HSD17B14: variants seen among roughly 807,000 people sequenced by gnomAD.
The protein encoded by HSD17B14 is L-fucose dehydrogenase.
In HSD17B14, 32 loss-of-function variants were observed where a neutral mutation model predicts 32.2. The observed-to-expected ratio is 0.99, with a 90% CI of 0.75 to 1.33. The LOEUF is 1.33. HSD17B14 is among the 40% of genes most tolerant of loss of function. The probability of loss-of-function intolerance (pLI) is 0.00; values close to 1 mark genes in which losing one functional copy is unlikely to be tolerated. For missense variants in HSD17B14, 370 were observed against 366.5 expected (o/e 1.01, Z -0.08); for synonymous variants, 140 against 155.4 (o/e 0.90, Z 0.74).
chr19:48,829,353 A>ATT (rs546991480), intron 5 of HSD17B14, among the ~76,000 whole-genome samples: 11 of 138,406 alleles, frequency 7.9e-5, no homozygotes, highest in African/African-American at 1.6e-4. Flanking sequence ...TACTCAGCTA[A>ATT]TTTTTTTTTT....
chr19:48,830,663 T>C (rs1342690486), intron 5 of HSD17B14, among the ~76,000 whole-genome samples: 4 of 151,906 alleles, frequency 2.6e-5, no homozygotes, highest in African/African-American at 9.7e-5. Flanking sequence ...CCCAAGTACC[T>C]GAGGCGCACC....
intron 5 of HSD17B14, among the ~76,000 whole-genome samples, chr19:48,822,598 TG>T (rs1311276445): frequency 2.7e-5 from 4 of 150,396 alleles, no homozygotes; most frequent in African/African-American, 9.8e-5. Context: ...ATGATGAGGA[TG>T]GTGATGGTGA....
intron 5 of HSD17B14, among the ~76,000 whole-genome samples, chr19:48,818,005 A>G (rs2035084733): frequency 6.6e-6 from 1 of 152,018 alleles, no homozygotes; most frequent in Non-Finnish European, 1.5e-5. Flanking sequence ...ACAATTTCTC[A>G]CAATTCTAAG....
intron 5 of HSD17B14, among the ~76,000 whole-genome samples, chr19:48,816,407 A>C (rs545587): frequency 0.61 from 91,939 of 151,950 alleles, 28,790 homozygotes; most frequent in African/African-American, 0.77. Flanking sequence ...CTGCGTGTTC[A>C]AACCTCAGGG....
intron 3 of HSD17B14, among the ~76,000 whole-genome samples, chr19:48,833,412 C>T (rs1162465925): frequency 6.6e-6 from 1 of 152,174 alleles, no homozygotes; most frequent in Admixed American, 6.5e-5. Flanking sequence ...TACATACAGG[C>T]CACGTGCAGT....
chr19:48,823,888 G>A (rs948830167), intron 5 of HSD17B14, among the ~76,000 whole-genome samples: 6 of 147,130 alleles, frequency 4.1e-5, no homozygotes, highest in South Asian at 4.7e-4. Flanking sequence ...CAATCCGCCC[G>A]CCTAGGCCTC....
chr19:48,828,945 C>T (rs542104591), intron 5 of HSD17B14, among the ~76,000 whole-genome samples: 37 of 151,880 alleles, frequency 2.4e-4, no homozygotes, highest in Middle Eastern at 3.4e-3. Context: ...GCCTATAATC[C>T]CAGCCACTAG....
chr19:48,835,561 C>T (rs1417016142), intron 2 of HSD17B14, among the ~76,000 whole-genome samples: 1 of 145,054 alleles, frequency 6.9e-6, no homozygotes, highest in African/African-American at 2.6e-5. Flanking sequence ...GTGCCGGAGC[C>T]TGGACTTCTG....
chr19:48,816,620 G>A (rs2035055225), intron 5 of HSD17B14, among the ~76,000 whole-genome samples: 1 of 151,998 alleles, frequency 6.6e-6, no homozygotes, highest in African/African-American at 2.4e-5. Context: ...CTGATCCGAG[G>A]TCACCTCCTC....
At chr19:48,815,400 T>C (rs143610194) in intron 5 of HSD17B14, among the ~76,000 whole-genome samples, 2 of 152,294 alleles carry the variant, frequency 1.3e-5, no homozygotes, top group East Asian at 3.9e-4. Context: ...TCTGACTCTG[T>C]CTTTGTCTCT....
At chr19:48,831,126 T>C (rs1359081959) in intron 5 of HSD17B14, among the ~76,000 whole-genome samples, 1 of 152,130 alleles carries the variant, frequency 6.6e-6, no homozygotes, top group East Asian at 1.9e-4. Context: ...TGAGCCACTG[T>C]GTCTGGCCCC....
At chr19:48,826,463 C>T (rs1160307004) in intron 5 of HSD17B14, among the ~76,000 whole-genome samples, 4 of 135,384 alleles carry the variant, frequency 3.0e-5, no homozygotes, top group African/African-American at 1.1e-4. Context: ...CACTGCACTC[C>T]AGCCTGGGTG....
At chr19:48,821,893 AATG>A (rs1332238269) in intron 5 of HSD17B14, among the ~76,000 whole-genome samples, 6 of 147,774 alleles carry the variant, frequency 4.1e-5, no homozygotes, top group South Asian at 2.2e-4. Flanking sequence ...TGATTTTGGT[AATG>A]ATGATGGTGA....
chr19:48,831,163 C>T lies in HSD17B14; in HGVS notation c.369+505G>A, dbSNP rs750866243. On this transcript the variant is annotated intron_variant, in intron 5 of 8. Transcript: ENST00000263278. ...ATATGTTCTTAACATCCCCTCCTACCACCACCAGTCTGGAAGGTTCTAGAA... is the reference window on the plus strand; with the variant it reads ...ATATGTTCTTAACATCCCCTCCTACTACCACCAGTCTGGAAGGTTCTAGAA... Among the ~76,000 whole-genome samples the T allele has an allele frequency of 4.9e-4, 74 of 152,248 alleles. 1 individual carries two copies. Among genetic ancestry groups the T allele is most frequent in the Admixed American group, 1.0e-3 (16 of 15,264 alleles).
chr19:48,827,104 G>A (rs181762127), intron 5 of HSD17B14, among the ~76,000 whole-genome samples: 5 of 151,260 alleles, frequency 3.3e-5, no homozygotes, highest in Admixed American at 3.3e-4. Flanking sequence ...GTGCAGTGGT[G>A]TGATCTCAGC....
intron 2 of HSD17B14, 62 bp from the exon 3 acceptor site, chr19:48,834,420 C>T (rs2035415476): frequency 3.9e-6 from 4 of 1,017,688 alleles, no homozygotes; most frequent in South Asian, 1.4e-5. Flanking sequence ...GGGTTGGGGA[C>T]TTGGACTCCT....
In HSD17B14 at chr19:48,831,762, A is replaced by G. The variant is rs375122236; in HGVS notation, c.278-3T>C. On this transcript the variant is annotated splice_polypyrimidine_tract_variant and splice_region_variant and intron_variant, in intron 4 of 8. Coordinates refer to ENST00000263278, the MANE Select transcript of HSD17B14 (RefSeq NM_016246.3). ...CTCAGGCCTCTGTGGGGGTGGGTCT[A>G]AAGTGGGGGGTGAGAGAGAGAGGAA... 1.8e-4 allele frequency: 286 copies of G among 1,582,314 alleles called. No individual in the cohort carries two copies. Among genetic ancestry groups the G allele is most frequent in the Non-Finnish European group, 2.4e-4 (278 of 1,154,320 alleles).
chr19:48,824,636 C>A (rs952257885), intron 5 of HSD17B14, among the ~76,000 whole-genome samples: 1 of 149,318 alleles, frequency 6.7e-6, no homozygotes, highest in Non-Finnish European at 1.5e-5. Flanking sequence ...TGTAGTGGTG[C>A]GTGCCTGTAA....
chr19:48,821,798 G>C (rs576332107), intron 5 of HSD17B14, among the ~76,000 whole-genome samples: 7 of 150,858 alleles, frequency 4.6e-5, no homozygotes, highest in Non-Finnish European at 8.9e-5. Context: ...GCTGATGATC[G>C]TAGTGATGAT....
Sources: allele counts gnomAD v4.1 joint callset (sites outside exome capture counted in the v4.1 genomes callset), GRCh38; gene constraint gnomAD v4.1.1; transcripts MANE v1.5; gene names NCBI Gene and HGNC (gene_info 2026-07-23, HGNC 2026-07-21).